The following CEP85L variants were observed in gnomAD, a reference collection of about 807,000 sequenced individuals.
CEP85L encodes centrosomal protein 85L, also known as centrosomal protein of 85 kDa-like.
In CEP85L, 60 loss-of-function variants were observed where a neutral mutation model predicts 100.3. The ratio of observed to expected loss-of-function variants is 0.60; its 90% CI spans 0.49 to 0.74. The LOEUF (loss-of-function observed/expected upper bound fraction) is 0.74, where lower values mean the gene tolerates loss of function less well. Ranked by LOEUF, CEP85L falls within the 30% of genes least tolerant of loss-of-function variation. The pLI is 0.00. For synonymous variants in CEP85L, 319 were observed against 322.7 expected (o/e 0.99, Z 0.12); for missense variants, 973 against 936.2 (o/e 1.04, Z -0.51).
At chr6:118,601,372 G>C (rs555608170) in intron 2 of CEP85L, among the ~76,000 whole-genome samples, 1 of 152,268 alleles carries the variant, frequency 6.6e-6, no homozygotes, top group East Asian at 1.9e-4. Flanking sequence ...CAATTTTATT[G>C]GTAAAGACAG....
rs1223622099 is a variant in CEP85L at position 118,567,233 on chromosome 6, GTGTGTGTGTGTGTGTGTATA to G, written c.233-937_233-918del. ...TATGTGTGTGTGTGTGTGTGTGTGT[GTGTGTGTGTGTGTGTGTATA>G]TATATATATATATATATATATATAT... On this transcript the variant is annotated intron_variant, in intron 2 of 12. Transcript: ENST00000368491. 2.2e-3 allele frequency among the ~76,000 whole-genome samples: 191 copies of G among 85,864 alleles called. 1 individual carries two copies. The highest frequency in any genetic ancestry group is 0.013 in the South Asian group (31 of 2,476). The allele number at this position is 85,864 out of a possible 152,430, so 56.3% of individuals were successfully genotyped here.
intron 3 of CEP85L, chr6:118,548,322 C>T (rs903320091): frequency 4.6e-5 from 7 of 152,072 alleles, no homozygotes; most frequent in African/African-American, 1.7e-4. Flanking sequence ...AGTCAGAAAA[C>T]TCCCCAGCTA....
intron 10 of CEP85L, among the ~76,000 whole-genome samples, chr6:118,476,454 CAT>C (rs756233043): frequency 1.2e-4 from 18 of 152,058 alleles, no homozygotes; most frequent in African/African-American, 4.3e-4. Context: ...TATTTCAAGA[CAT>C]AACACAATTC....
At chr6:118,627,935 C>T (rs1773910587) in intron 2 of CEP85L, among the ~76,000 whole-genome samples, 1 of 152,102 alleles carries the variant, frequency 6.6e-6, no homozygotes, top group South Asian at 2.1e-4. Flanking sequence ...CTAAAGCTCC[C>T]TGTAGCCATC....
chr6:118,479,756 TATAA>T (rs1773642121), intron 10 of CEP85L, 111 bp downstream of exon 10: 1 of 493,628 alleles, frequency 2.0e-6, no homozygotes, highest in Admixed American at 4.4e-5. Flanking sequence ...ACCTCAGTGC[TATAA>T]ATATTATCTT....
At position 118,665,095 on chromosome 6, in the gene CEP85L, A is replaced by T. The variant is rs1018585919; in HGVS notation, c.-27-12287T>A. Among the ~76,000 whole-genome samples the T allele has an allele frequency of 4.6e-5, 7 of 152,092 alleles. No individual in the cohort carries two copies. The East Asian group carries it at 1.2e-3, about 25-fold the overall frequency. The stretch of plus-strand genomic sequence containing the variant: ...TTCAGGGAGTATGCTTTCTTTGTGC[A>T]GAGAGGAGAAAAATGCTGGAGACAG... On this transcript the variant is annotated intron_variant, in intron 1 of 13. Transcript: ENST00000368488.
chr6:118,569,341 C>CAAAAAAAAAAAAAAAAAAAAAAAAAA (rs56123225), intron 2 of CEP85L, among the ~76,000 whole-genome samples: 2 of 68,214 alleles, frequency 2.9e-5, no homozygotes, highest in African/African-American at 6.7e-5. Context: ...GACTCTGTCT[C>CAAAAAAAAAAAAAAAAAAAAAAAAAA]AAAAAAAAAA....
intron 2 of CEP85L, among the ~76,000 whole-genome samples, chr6:118,619,063 C>T (rs942119493): frequency 6.6e-6 from 1 of 151,468 alleles, no homozygotes; most frequent in Admixed American, 6.6e-5. Flanking sequence ...TCATGCGCTC[C>T]GAGCACAATT....
intron 3 of CEP85L, chr6:118,559,282 AT>A (rs1409397181): frequency 1.7e-6 from 1 of 578,750 alleles, no homozygotes; most frequent in East Asian, 3.0e-5. Flanking sequence ...AAAGGGCTTT[AT>A]TTTCAAAAAT....
At chr6:118,560,034 A>C (rs912369139) in intron 3 of CEP85L, 1 of 167,114 alleles carries the variant, frequency 6.0e-6, no homozygotes. Flanking sequence ...AATGCAGGCA[A>C]GGAAAATAAA....
intron 3 of CEP85L, among the ~76,000 whole-genome samples, chr6:118,563,975 A>G (rs1779361097): frequency 6.6e-6 from 1 of 152,162 alleles, no homozygotes; most frequent in Non-Finnish European, 1.5e-5. Context: ...AAAGCGCTAT[A>G]AAGAGACCAT....
Position 118,481,932 on chromosome 6 carries a change from A to C in CEP85L, c.1592T>G (p.Leu531Arg). 1 of 1,530,618 alleles carries C rather than the reference A, an allele frequency of 6.5e-7. No homozygotes were observed. The highest frequency in any genetic ancestry group is 1.3e-5 in the South Asian group (1 of 76,936). The allele number at this position is 1,530,618 out of a possible 1,614,324, so 94.8% of individuals were successfully genotyped here. Residue 531 changes from leucine to arginine, a missense_variant and splice_region_variant, in exon 8 of 13, where the codon CTG becomes CGG. Physicochemically the swap from Leu to Arg is moderately radical, Grantham distance 102. Coordinates refer to ENST00000368491, the MANE Select transcript of CEP85L (RefSeq NM_001042475.3). Reference protein sequence around the residue: ...LDDVQSQSLQLQILEEKNKNL... With the variant: ...LDDVQSQSLQRQILEEKNKNL... Reference sequence around the variant, plus strand: ...CTTATTTTTTTCTTCCAGAATCTGCAGCTAAGGAGAAATGTTTTACAGTTC... The same window carrying C: ...CTTATTTTTTTCTTCCAGAATCTGCCGCTAAGGAGAAATGTTTTACAGTTC...
At chr6:118,645,093 C>G (rs947506662) in intron 1 of CEP85L, among the ~76,000 whole-genome samples, 3 of 152,248 alleles carry the variant, frequency 2.0e-5, no homozygotes, top group Non-Finnish European at 2.9e-5. Flanking sequence ...CCTCACCTCA[C>G]AGTCCTGCTC....
chr6:118,566,698 C>T (rs1779531270), intron 2 of CEP85L, among the ~76,000 whole-genome samples: 3 of 152,172 alleles, frequency 2.0e-5, no homozygotes. Context: ...GGATTACAGG[C>T]ATGAGCCACT....
At chr6:118,513,996 A>C (rs1453039407) in intron 4 of CEP85L, among the ~76,000 whole-genome samples, 1 of 152,238 alleles carries the variant, frequency 6.6e-6, no homozygotes, top group East Asian at 1.9e-4. Flanking sequence ...AAAGGCTAGA[A>C]GAGAAAAAAA....
intron 10 of CEP85L, among the ~76,000 whole-genome samples, chr6:118,471,320 T>C (rs1772940035): frequency 6.6e-6 from 1 of 151,926 alleles, no homozygotes; most frequent in Non-Finnish European, 1.5e-5. Context: ...AAAGAAAAAA[T>C]TGCCATACAC....
chr6:118,699,737 G>C (rs1777349659), intron 1 of CEP85L, among the ~76,000 whole-genome samples: 1 of 152,002 alleles, frequency 6.6e-6, no homozygotes, highest in Admixed American at 6.6e-5. Context: ...TGTCATGCAG[G>C]CTGGAGGAGT....
At position 118,574,538 on chromosome 6, in the gene CEP85L, G is replaced by A. The variant is rs575485782; in HGVS notation, c.233-8222C>T. ...CCATCTGGGATATCATTCTCCTCCG[G>A]GAAAGGGTCTCCAATCACCTCTCAT... On this transcript the variant is annotated intron_variant, in intron 2 of 12. Coordinates refer to ENST00000368491, the MANE Select transcript of CEP85L (RefSeq NM_001042475.3). Among the ~76,000 whole-genome samples, 78 of 152,270 alleles carry A rather than the reference G, an allele frequency of 5.1e-4. No homozygotes were observed. The Middle Eastern group carries it at 0.014, about 27-fold the overall frequency.
Position 118,470,640 on chromosome 6 carries a change from A to G in CEP85L, c.1919T>C (p.Met640Thr). The G allele has an allele frequency of 4.5e-6, 7 of 1,566,652 alleles. No homozygotes were observed. Among genetic ancestry groups the G allele is most frequent in the Non-Finnish European group, 5.2e-6 (6 of 1,157,422 alleles). Residue 640 changes from methionine to threonine, a missense_variant, in exon 11 of 13, where the codon ATG becomes ACG. Around this residue, in one of 3 missense-constraint regions of CEP85L, gnomAD observed 890 missense variants for 844.5 expected, o/e 1.05. Coordinates refer to ENST00000368491, the MANE Select transcript of CEP85L (RefSeq NM_001042475.3). ...TTTCTCTTTAGAAAGCTTTCCTTGC[A>G]TAGACTAGAATTTTTAAAAAAATTG... Reference protein sequence around the residue: ...IDRMILEIQSMQGKLSKEKLT... With the variant: ...IDRMILEIQSTQGKLSKEKLT...
Sources: gnomAD v4.1 joint callset for allele counts (sites outside exome capture counted in the v4.1 genomes callset) on GRCh38, gnomAD v4.1.1 for gene constraint, gnomAD v4.1.1 regional missense constraint, MANE v1.5 for transcripts, NCBI Gene and HGNC (gene_info 2026-07-23, HGNC 2026-07-21) for gene names.